Variants in FGF14 observed in about 807,000 individuals in gnomAD.
FGF14 encodes the protein fibroblast growth factor 14.
A neutral mutation model predicts 25.5 loss-of-function variants in FGF14; 5 were observed. The observed-to-expected ratio is 0.20, with a 90% CI of 0.10 to 0.41. The LOEUF (loss-of-function observed/expected upper bound fraction) is 0.41. FGF14 is among the 10% of genes least tolerant of loss of function. FGF14 has a pLI of 1.00. For missense variants in FGF14, 222 were observed against 320.1 expected, an observed-to-expected ratio of 0.69 and a Z score of 2.34; for synonymous variants, 138 against 118.3, an observed-to-expected ratio of 1.17 and a Z score of -1.08.
At chr13:102,152,954 T>A (rs1198041534) in intron 1 of FGF14, among the ~76,000 whole-genome samples, 1 of 152,162 alleles carries the variant, frequency 6.6e-6, no homozygotes, top group African/African-American at 2.4e-5. Flanking sequence ...GACTTCATTC[T>A]CCCTCCTACA....
intron 1 of FGF14, among the ~76,000 whole-genome samples, chr13:102,162,184 C>T (rs1216864829): frequency 6.6e-6 from 1 of 152,122 alleles, no homozygotes; most frequent in Admixed American, 6.6e-5. Context: ...CCAAATGATG[C>T]TCTCTCAATG....
At chr13:102,384,459 C>A (rs546126893) in intron 1 of FGF14, among the ~76,000 whole-genome samples, 31 of 152,230 alleles carry the variant, frequency 2.0e-4, no homozygotes, top group Admixed American at 7.2e-4. Context: ...CTCTCTCATG[C>A]CCCTAAAAAT....
chr13:102,099,750 G>A (rs1328079067), intron 1 of FGF14, among the ~76,000 whole-genome samples: 1 of 151,784 alleles, frequency 6.6e-6, no homozygotes, highest in Admixed American at 6.6e-5. Context: ...GTTAATAAAT[G>A]CATGTGTATA....
intron 1 of FGF14, among the ~76,000 whole-genome samples, chr13:101,934,044 G>C (rs930356672): frequency 3.3e-5 from 5 of 152,052 alleles, no homozygotes; most frequent in African/African-American, 1.2e-4. Flanking sequence ...TATTCAATTT[G>C]GTTAATATTT....
rs1174159012 is a variant in FGF14 at position 102,161,652 on chromosome 13, G to C, written c.208+239819C>G. ...AGAAGAAGAAGAAGAAGAAGAAGAA[G>C]AAGAAGAAGAAGAAGAAGAAGAAGA... On this transcript the variant is annotated intron_variant, in intron 1 of 4. Transcript: ENST00000376131. Among the ~76,000 whole-genome samples the C allele has an allele frequency of 2.3e-3, 39 of 16,986 alleles. 1 individual carries two copies. The highest frequency in any genetic ancestry group is 5.2e-3 in the African/African-American group (24 of 4,638). 11.1% of individuals were successfully genotyped at this position (16,986 alleles called of 152,430 possible).
chr13:101,972,145 G>C (rs1314806398), intron 1 of FGF14, among the ~76,000 whole-genome samples: 1 of 152,222 alleles, frequency 6.6e-6, no homozygotes, highest in African/African-American at 2.4e-5. Context: ...GCAGAGGAAT[G>C]AAAGATTACA....
chr13:101,909,392 C>T (rs2032643100), intron 1 of FGF14, among the ~76,000 whole-genome samples: 1 of 151,856 alleles, frequency 6.6e-6, no homozygotes, highest in Non-Finnish European at 1.5e-5. Flanking sequence ...GACAAATTTG[C>T]AAGAAAAAAA....
intron 1 of FGF14, among the ~76,000 whole-genome samples, chr13:102,055,880 G>T (rs1218976996): frequency 6.6e-6 from 1 of 152,172 alleles, no homozygotes; most frequent in African/African-American, 2.4e-5. Context: ...TCACAATCAT[G>T]GCAGAAAGTG....
At chr13:102,391,623 G>T (rs2058434708) in intron 1 of FGF14, among the ~76,000 whole-genome samples, 1 of 151,994 alleles carries the variant, frequency 6.6e-6, no homozygotes, top group Non-Finnish European at 1.5e-5. Flanking sequence ...TATGTTACTT[G>T]TCATGTGAGT....
At chr13:102,031,578 C>T (rs148257930) in intron 1 of FGF14, among the ~76,000 whole-genome samples, 88 of 151,660 alleles carry the variant, frequency 5.8e-4, no homozygotes, top group African/African-American at 2.1e-3. Flanking sequence ...AATATTCCTC[C>T]AGAACTAAAA....
chr13:101,950,271 A>G (rs2036074617), intron 1 of FGF14, among the ~76,000 whole-genome samples: 1 of 152,208 alleles, frequency 6.6e-6, no homozygotes, highest in African/African-American at 2.4e-5. Context: ...AGCTACTAGT[A>G]GTTGGCTACT....
At chr13:102,082,073 C>T (rs2043648309) in intron 1 of FGF14, among the ~76,000 whole-genome samples, 1 of 152,058 alleles carries the variant, frequency 6.6e-6, no homozygotes, top group African/African-American at 2.4e-5. Flanking sequence ...CATTACTATA[C>T]AGGAGCTGTA....
intron 1 of FGF14, among the ~76,000 whole-genome samples, chr13:102,313,218 G>T (rs1312419953): frequency 6.6e-6 from 1 of 152,190 alleles, no homozygotes. Flanking sequence ...ACTGCTCCTG[G>T]AAGGCACCAG....
chr13:102,056,248 T>A (rs1353060843), intron 1 of FGF14, among the ~76,000 whole-genome samples: 2 of 152,114 alleles, frequency 1.3e-5, no homozygotes, highest in Non-Finnish European at 2.9e-5. Context: ...GACAGAAAAA[T>A]TTGCCAGCCA....
chr13:102,379,394 G>A (rs552706388), intron 1 of FGF14, among the ~76,000 whole-genome samples: 18 of 149,230 alleles, frequency 1.2e-4, no homozygotes, highest in African/African-American at 4.3e-4. Flanking sequence ...TGTACACTTA[G>A]GTAACATAGA....
chr13:101,935,590 C>T (rs2035047885), intron 1 of FGF14, among the ~76,000 whole-genome samples: 1 of 152,174 alleles, frequency 6.6e-6, no homozygotes, highest in South Asian at 2.1e-4. Flanking sequence ...ATTCTCTTTC[C>T]TGCTGCCCTG....
rs184051898 is a variant in FGF14 at position 102,106,183 on chromosome 13, G to A, written c.209-230887C>T. On this transcript the variant is annotated intron_variant, in intron 1 of 4. Coordinates refer to the FGF14 transcript ENST00000376131. ...ATATTTTTATGTGCAGTAAGTCAAT[G>A]TAGTGCTGAGTGATTGCTACTAAGG... 1.8e-4 allele frequency among the ~76,000 whole-genome samples: 27 copies of A among 152,292 alleles called. No individual in the cohort carries two copies. In the East Asian group the frequency reaches 5.2e-3, roughly 29 times the overall value.
chr13:101,948,708 AG>A (rs1252719920), intron 1 of FGF14, among the ~76,000 whole-genome samples: 2 of 152,072 alleles, frequency 1.3e-5, no homozygotes, highest in African/African-American at 4.8e-5. Context: ...GTAAATAAAA[AG>A]GTTTTTTTAA....
chr13:102,361,274 G>A (rs1273737286), intron 1 of FGF14, among the ~76,000 whole-genome samples: 1 of 152,150 alleles, frequency 6.6e-6, no homozygotes, highest in Non-Finnish European at 1.5e-5. Context: ...TGGTCCAGGA[G>A]AGGAGGTGAG....
Sources: gnomAD v4.1 joint callset for allele counts (sites outside exome capture counted in the v4.1 genomes callset) on GRCh38, gnomAD v4.1.1 for gene constraint, MANE v1.5 for transcripts, NCBI Gene and HGNC (gene_info 2026-07-23, HGNC 2026-07-21) for gene names.